C1orf105: variants seen among roughly 807,000 people sequenced by gnomAD.
C1orf105 encodes the protein uncharacterized protein C1orf105.
A neutral mutation model predicts 20.8 loss-of-function variants in C1orf105; 17 were observed. The ratio of observed to expected loss-of-function variants is 0.82; its 90% CI spans 0.56 to 1.23. The LOEUF is 1.23. C1orf105 is among the 50% of genes most tolerant of loss of function. The pLI is 0.00. For synonymous variants in C1orf105, 72 were observed against 72.1 expected, an observed-to-expected ratio of 1.00 and a Z score of 0.01; for missense variants, 219 against 213.5, an observed-to-expected ratio of 1.03 and a Z score of -0.16.
intron 5 of C1orf105, among the ~76,000 whole-genome samples, chr1:172,463,074 A>G (rs3948765): frequency 0.78 from 118,903 of 151,716 alleles, 46,840 homozygotes; most frequent in East Asian, 1. Context: ...ACCATGCCCC[A>G]CCTAGTTTTT....
chr1:172,454,436 G>A (rs1649008150), intron 3 of C1orf105, among the ~76,000 whole-genome samples: 1 of 151,760 alleles, frequency 6.6e-6, no homozygotes, highest in Non-Finnish European at 1.5e-5. Flanking sequence ...AGCTTCAGGG[G>A]ATATCACCCC....
At chr1:172,451,974 G>A (rs1050980738) in intron 3 of C1orf105, among the ~76,000 whole-genome samples, 1 of 142,010 alleles carries the variant, frequency 7.0e-6, no homozygotes, top group Admixed American at 7.8e-5. Context: ...CCAGGTTCAA[G>A]TGATTCTCCT....
chr1:172,442,555 G>C (rs1401176278), intron 1 of C1orf105: 1 of 1,614,016 alleles, frequency 6.2e-7, no homozygotes, highest in African/African-American at 1.3e-5. Context: ...ATCAGGAAAG[G>C]GCTGTCGCTC....
chr1:172,463,313 C>A (rs867451281), intron 5 of C1orf105, among the ~76,000 whole-genome samples: 2 of 152,300 alleles, frequency 1.3e-5, no homozygotes, highest in Middle Eastern at 3.4e-3. Context: ...CTCATACAGT[C>A]AGCAATAATG....
intron 1 of C1orf105, among the ~76,000 whole-genome samples, chr1:172,432,700 G>A (rs1015610947): frequency 6.6e-6 from 1 of 152,178 alleles, no homozygotes; most frequent in African/African-American, 2.4e-5. Context: ...AAACCAGAGC[G>A]CCTCTTCTCC....
chr1:172,460,060 C>A (rs1361201613), intron 4 of C1orf105, among the ~76,000 whole-genome samples: 1 of 152,022 alleles, frequency 6.6e-6, no homozygotes, highest in Non-Finnish European at 1.5e-5. Context: ...GAGTGAGAAG[C>A]AATTGCTAAT....
At chr1:172,453,252 G>A in intron 3 of C1orf105, 2 of 1,492,088 alleles carry the variant, frequency 1.3e-6, no homozygotes, top group Non-Finnish European at 1.8e-6. Flanking sequence ...AAAGGGACAG[G>A]ATTAGAGCAT....
At chr1:172,465,481 C>A in intron 6 of C1orf105, 118 bp downstream of exon 6, 2 of 813,562 alleles carry the variant, frequency 2.5e-6, no homozygotes, top group South Asian at 1.4e-5. Flanking sequence ...CACTTTCTAT[C>A]CCTTTCTCTT....
chr1:172,421,373 A>G (rs1231610780), intron 1 of C1orf105, among the ~76,000 whole-genome samples: 1 of 152,196 alleles, frequency 6.6e-6, no homozygotes, highest in East Asian at 1.9e-4. Context: ...CTAAATCTGA[A>G]TAAATCACAT....
At chr1:172,449,800 C>G (rs1012461201) in intron 3 of C1orf105, among the ~76,000 whole-genome samples, 18 of 152,112 alleles carry the variant, frequency 1.2e-4, no homozygotes, top group Admixed American at 1.2e-3. Context: ...GGGGGATGAG[C>G]GGGGAGGCAG....
At chr1:172,464,679 T>C (rs1649916662) in intron 5 of C1orf105, among the ~76,000 whole-genome samples, 3 of 151,820 alleles carry the variant, frequency 2.0e-5, no homozygotes, top group South Asian at 4.2e-4. Context: ...AAGAACTCTT[T>C]CCTTTATTCC....
intron 6 of C1orf105, among the ~76,000 whole-genome samples, chr1:172,467,423 G>A (rs2149197915): frequency 6.6e-6 from 1 of 152,296 alleles, no homozygotes; most frequent in Middle Eastern, 3.4e-3. Flanking sequence ...TACAAGTGAT[G>A]CAGATTCCTT....
chr1:172,428,324 C>G (rs1336049069), intron 1 of C1orf105, among the ~76,000 whole-genome samples: 1 of 152,172 alleles, frequency 6.6e-6, no homozygotes, highest in Non-Finnish European at 1.5e-5. Flanking sequence ...CCAGAATGAG[C>G]CTTTCAAAAT....
chr1:172,449,608 G>T (rs552907373), intron 3 of C1orf105, among the ~76,000 whole-genome samples: 2 of 152,158 alleles, frequency 1.3e-5, no homozygotes, highest in Non-Finnish European at 2.9e-5. Flanking sequence ...AAACAAGGAC[G>T]CGGCTGGGCC....
At chr1:172,443,968 GT>G in intron 1 of C1orf105, 4 of 1,000,198 alleles carry the variant, frequency 4.0e-6, no homozygotes, top group Non-Finnish European at 4.8e-6. Context: ...AACACTGACC[GT>G]TACACGGAAC....
intron 1 of C1orf105, among the ~76,000 whole-genome samples, chr1:172,439,118 T>G (rs1284714159): frequency 6.6e-6 from 1 of 152,208 alleles, no homozygotes; most frequent in Non-Finnish European, 1.5e-5. Flanking sequence ...GAACCGAACC[T>G]CAGTATCTCC....
chr1:172,443,620 A>G (rs967296940), intron 1 of C1orf105: 7 of 166,240 alleles, frequency 4.2e-5, no homozygotes, highest in South Asian at 4.2e-4. Context: ...CAAATTTGAG[A>G]AAAAAAAAAT....
chr1:172,435,251 G>T (rs2072002151), intron 1 of C1orf105, among the ~76,000 whole-genome samples: 2 of 152,120 alleles, frequency 1.3e-5, no homozygotes, highest in Non-Finnish European at 2.9e-5. Context: ...ATTTTATGAG[G>T]TCAGCATCAT....
intron 1 of C1orf105, among the ~76,000 whole-genome samples, chr1:172,423,227 G>A (rs1288439778): frequency 6.6e-6 from 1 of 152,192 alleles, no homozygotes; most frequent in Non-Finnish European, 1.5e-5. Flanking sequence ...TCCCAGTAGT[G>A]GTGGCCACAG....
Sources: gnomAD v4.1 joint callset for allele counts (sites outside exome capture counted in the v4.1 genomes callset) on GRCh38, gnomAD v4.1.1 for gene constraint, MANE v1.5 for transcripts, NCBI Gene and HGNC (gene_info 2026-07-23, HGNC 2026-07-21) for gene names.